The following NRG1 variants were observed in gnomAD, a reference collection of about 807,000 sequenced individuals.
The protein encoded by NRG1 is neuregulin 1.
In NRG1, 18 loss-of-function variants were observed where a neutral mutation model predicts 63.8. The observed-to-expected ratio is 0.28, with a 90% CI of 0.19 to 0.42. The LOEUF is 0.42. Among genes scored for constraint, NRG1 ranks in the 10% least tolerant of loss-of-function variants. The pLI is 1.00. For missense variants in NRG1, 762 were observed against 814.7 expected (o/e 0.94, Z 0.79); for synonymous variants, 302 against 301.3 (o/e 1.00, Z -0.02).
chr8:32,366,335 C>T (rs1222738520), intron 1 of NRG1, among the ~76,000 whole-genome samples: 1 of 152,048 alleles, frequency 6.6e-6, no homozygotes, highest in Admixed American at 6.6e-5. Context: ...ACCAACTTCT[C>T]TTCATCTGCC....
chr8:32,490,352 G>A (rs1427190271), intron 1 of NRG1, among the ~76,000 whole-genome samples: 1 of 151,650 alleles, frequency 6.6e-6, no homozygotes, highest in Non-Finnish European at 1.5e-5. Flanking sequence ...TGAATCAGAA[G>A]CCTGGGGGTG....
At chr8:32,533,678 T>G (rs1428426568) in intron 1 of NRG1, among the ~76,000 whole-genome samples, 2 of 152,070 alleles carry the variant, frequency 1.3e-5, no homozygotes, top group Non-Finnish European at 2.9e-5. Context: ...AGAAAATAGA[T>G]TCATTCATTA....
At chr8:32,175,093 G>A (rs1428020148) in intron 1 of NRG1, among the ~76,000 whole-genome samples, 1 of 152,274 alleles carries the variant, frequency 6.6e-6, no homozygotes, top group East Asian at 1.9e-4. Context: ...TAAAATACTA[G>A]CAAACTGAAT....
At chr8:32,037,215 G>A (rs1819211586) in intron 1 of NRG1, among the ~76,000 whole-genome samples, 1 of 152,146 alleles carries the variant, frequency 6.6e-6, no homozygotes, top group South Asian at 2.1e-4. Context: ...CATTTGCTGG[G>A]GGTCCACTTC....
At chr8:31,908,107 T>G (rs1268902224) in intron 1 of NRG1, among the ~76,000 whole-genome samples, 3 of 152,186 alleles carry the variant, frequency 2.0e-5, no homozygotes, top group Non-Finnish European at 4.4e-5. Flanking sequence ...AGGAGCTAAT[T>G]AAGCCATTAA....
At chr8:31,764,704 A>G (rs2131537861) in intron 1 of NRG1, among the ~76,000 whole-genome samples, 1 of 152,304 alleles carries the variant, frequency 6.6e-6, no homozygotes, top group Admixed American at 6.5e-5. Flanking sequence ...CGAATCCATG[A>G]ACACAATATG....
intron 1 of NRG1, among the ~76,000 whole-genome samples, chr8:31,719,654 T>C (rs755507070): frequency 6.6e-6 from 1 of 152,160 alleles, no homozygotes; most frequent in African/African-American, 2.4e-5. Flanking sequence ...TTTCCCCCAT[T>C]TTGAAGGTCA....
chr8:32,352,542 G>A (rs1805746620), intron 1 of NRG1, among the ~76,000 whole-genome samples: 1 of 152,044 alleles, frequency 6.6e-6, no homozygotes, highest in African/African-American at 2.4e-5. Context: ...CCAAAATATT[G>A]AACAAATGAA....
intron 1 of NRG1, chr8:32,440,844 T>C (rs1470864961): frequency 1.3e-5 from 2 of 152,178 alleles, no homozygotes; most frequent in Non-Finnish European, 1.5e-5. Context: ...ATTTCTTTCA[T>C]TGAGATTACA....
chr8:31,999,445 C>T (rs1812566326), intron 1 of NRG1, among the ~76,000 whole-genome samples: 1 of 151,848 alleles, frequency 6.6e-6, no homozygotes, highest in Admixed American at 6.6e-5. Flanking sequence ...TGACACATAC[C>T]AAAGAAGTGC....
chr8:31,639,536 C>G, intron 1 of NRG1: 1 of 1,474,582 alleles, frequency 6.8e-7, no homozygotes, highest in Non-Finnish European at 9.0e-7. Flanking sequence ...CGCTCTCTCC[C>G]AGCCGCTTGC....
At chr8:32,667,448 T>C (rs902539211) in intron 5 of NRG1, among the ~76,000 whole-genome samples, 1 of 152,254 alleles carries the variant, frequency 6.6e-6, no homozygotes, top group Non-Finnish European at 1.5e-5. Context: ...AATTATGTTT[T>C]GTTCATCTGT....
chr8:32,718,950 G>A (rs1004113084), intron 5 of NRG1, among the ~76,000 whole-genome samples: 12 of 152,100 alleles, frequency 7.9e-5, no homozygotes, highest in East Asian at 5.8e-4. Context: ...TCTCCAGATC[G>A]TGATTATTTT....
In NRG1 at chr8:31,838,957, T is replaced by A. The variant is rs183701043; in HGVS notation, c.37+199526T>A. The stretch of plus-strand genomic sequence containing the variant: ...AAACTAGAGTAGAAATTTTTGGCAT[T>A]TTTTTGGTTCCTAATCAAAGTTGGA... On this transcript the variant is annotated intron_variant, in intron 1 of 10. Transcript: ENST00000519301. Among the ~76,000 whole-genome samples, 3 of 152,298 alleles carry A rather than the reference T, an allele frequency of 2.0e-5. No individual in the cohort carries two copies. In the East Asian group the frequency reaches 5.8e-4, roughly 29 times the overall value.
chr8:32,640,159 G>A (rs1415195887), intron 5 of NRG1, among the ~76,000 whole-genome samples: 3 of 152,058 alleles, frequency 2.0e-5, no homozygotes, highest in African/African-American at 4.8e-5. Flanking sequence ...TATTGCTCCA[G>A]TAAATGTTAG....
intron 1 of NRG1, among the ~76,000 whole-genome samples, chr8:32,179,871 G>A (rs1841244433): frequency 6.6e-6 from 1 of 151,842 alleles, no homozygotes; most frequent in Non-Finnish European, 1.5e-5. Context: ...GAGCATCTTT[G>A]TAATTTACAA....
Position 32,756,456 on chromosome 8 carries a change from G to A in NRG1, c.848G>A (p.Arg283Gln), listed in dbSNP as rs367543164. The stretch of plus-strand genomic sequence containing the variant: ...CTTCGGCAGAGCCTTCGGTCTGAAC[G>A]AAACAATATGATGAACATTGCCAAT... The change falls in exon 9 of 12, where the codon CGA becomes CAA. Residue 283 changes from arginine to glutamine, a missense_variant. Physicochemically the swap from Arg to Gln is conservative, Grantham distance 43 (BLOSUM62 1). Transcript: ENST00000356819. 17 of 1,613,682 alleles carry A rather than the reference G, an allele frequency of 1.1e-5. No individual in the cohort carries two copies. Among genetic ancestry groups the A allele is most frequent in the East Asian group, 2.2e-5 (1 of 44,838 alleles).
chr8:31,688,218 AC>A (rs1449585842), intron 1 of NRG1, among the ~76,000 whole-genome samples: 1 of 152,134 alleles, frequency 6.6e-6, no homozygotes, highest in Admixed American at 6.5e-5. Flanking sequence ...ATATGTTGAA[AC>A]CTGATCTCCA....
intron 1 of NRG1, among the ~76,000 whole-genome samples, chr8:32,234,923 G>T (rs1212011643): frequency 6.6e-6 from 1 of 151,764 alleles, no homozygotes; most frequent in Non-Finnish European, 1.5e-5. Context: ...TTTATTCAAT[G>T]TCTCATTTTT....
Sources: allele counts gnomAD v4.1 joint callset (sites outside exome capture counted in the v4.1 genomes callset), GRCh38; gene constraint gnomAD v4.1.1; transcripts MANE v1.5; gene names NCBI Gene and HGNC (gene_info 2026-07-23, HGNC 2026-07-21).